DNAH5: variants seen among roughly 807,000 people sequenced by gnomAD.
DNAH5 encodes the protein dynein axonemal heavy chain 5.
A neutral mutation model predicts 518.2 loss-of-function variants in DNAH5; 372 were observed. That is an observed-to-expected ratio of 0.72 (90% CI 0.66 to 0.78). The LOEUF (loss-of-function observed/expected upper bound fraction) is 0.78, where lower values mean the gene tolerates loss of function less well. Among genes scored for constraint, DNAH5 ranks in the 30% least tolerant of loss-of-function variants. The probability of loss-of-function intolerance (pLI) is 0.00; values close to 1 mark genes in which losing one functional copy is unlikely to be tolerated. For synonymous variants in DNAH5, 2,039 were observed against 2,025.9 expected (o/e 1.01, Z -0.17); for missense variants, 5,523 against 5,687.0 (o/e 0.97, Z 0.93).
intron 35 of DNAH5, among the ~76,000 whole-genome samples, chr5:13,833,367 A>G: frequency 6.6e-6 from 1 of 151,222 alleles, no homozygotes; most frequent in African/African-American, 2.4e-5. Flanking sequence ...TGAACCTGGG[A>G]GGCAGAGGTT....
intron 18 of DNAH5, 147 bp downstream of exon 18, chr5:13,885,817 G>A (rs1772340985): frequency 8.8e-6 from 7 of 792,180 alleles, no homozygotes; most frequent in Non-Finnish European, 1.4e-5. Context: ...ATATGCTCAG[G>A]GCCATAATTT....
chr5:13,801,959 A>G (rs922190238), intron 47 of DNAH5, among the ~76,000 whole-genome samples: 5 of 151,892 alleles, frequency 3.3e-5, no homozygotes, highest in Non-Finnish European at 7.4e-5. Context: ...TTCTAAGCCA[A>G]AAAAAAATCT....
intron 1 of DNAH5, among the ~76,000 whole-genome samples, chr5:13,933,789 C>CAAA (rs533169329): frequency 0.044 from 3,640 of 82,204 alleles, 209 homozygotes; most frequent in African/African-American, 0.072. Context: ...GACTCCACCT[C>CAAA]AAAAAAAAAA....
Position 13,788,828 on chromosome 5 carries a change from C to T in DNAH5, c.8535G>A (p.Lys2845=), listed in dbSNP as rs1756493833. Residue 2845 remains lysine, a synonymous_variant, in exon 51 of 79, where the codon AAG becomes AAA. Transcript: ENST00000265104. ...CCTCCTCTACCAAACTTACTAAAGC[C>T]TTATCAAACCAGGTCACATCACTGG... ...TVSSDVTWFD[K]ALVSLVEEEF... The T allele has an allele frequency of 1.2e-6, 2 of 1,614,072 alleles. No homozygotes were observed. Among genetic ancestry groups the T allele is most frequent in the Non-Finnish European group, 1.7e-6 (2 of 1,179,990 alleles).
At chr5:13,918,412 C>G (rs1054095486) in intron 7 of DNAH5, among the ~76,000 whole-genome samples, 1 of 152,182 alleles carries the variant, frequency 6.6e-6, no homozygotes, top group African/African-American at 2.4e-5. Context: ...AGGCACCCAG[C>G]TAAGCTGCAC....
At chr5:13,931,671 C>T (rs146639282) in intron 1 of DNAH5, among the ~76,000 whole-genome samples, 46 of 152,308 alleles carry the variant, frequency 3.0e-4, no homozygotes, top group African/African-American at 1.1e-3. Context: ...TCTACAGCTA[C>T]ATATTTGGTC....
At chr5:13,784,363 T>A (rs2126858361) in intron 52 of DNAH5, among the ~76,000 whole-genome samples, 1 of 152,322 alleles carries the variant, frequency 6.6e-6, no homozygotes, top group Admixed American at 6.5e-5. Flanking sequence ...TTCAAAATGT[T>A]ATTTATAGTT....
chr5:13,993,904 G>A (rs1783741089), intron 1 of DNAH5, among the ~76,000 whole-genome samples: 3 of 152,228 alleles, frequency 2.0e-5, no homozygotes, highest in Admixed American at 2.0e-4. Flanking sequence ...TTCCTCTGAG[G>A]GAACCAGGTA....
rs372556312 is a variant in DNAH5 at position 13,691,688 on chromosome 5, C to G, written c.*296G>C. On this transcript the variant is annotated 3_prime_UTR_variant, in exon 79 of 79. Transcript: ENST00000265104. ...CTGTCTGCTTACCCTAGTCAGTCTT[C>G]GGAGCGAAGTAAGAAGAAAATATAC... The G allele has an allele frequency of 2.7e-6, 1 of 373,210 alleles. No homozygotes were observed. Among genetic ancestry groups the G allele is most frequent in the Admixed American group, 4.1e-5 (1 of 24,320 alleles). 23.1% of individuals were successfully genotyped at this position (373,210 alleles called of 1,614,324 possible).
chr5:13,728,048 C>T (rs560288952), intron 69 of DNAH5, among the ~76,000 whole-genome samples: 1 of 152,294 alleles, frequency 6.6e-6, no homozygotes, highest in South Asian at 2.1e-4. Flanking sequence ...CTTATGTTTC[C>T]TCATTTCCCA....
chr5:13,800,770 C>T (rs1199470846), intron 47 of DNAH5, among the ~76,000 whole-genome samples: 1 of 152,176 alleles, frequency 6.6e-6, no homozygotes, highest in Non-Finnish European at 1.5e-5. Context: ...TATTCTGCCA[C>T]CCACATTCCT....
intron 13 of DNAH5, 69 bp from the exon 14 acceptor site, chr5:13,901,642 T>C: frequency 1.1e-6 from 1 of 908,484 alleles, no homozygotes; most frequent in Non-Finnish European, 1.6e-6. Context: ...AATAAAAATA[T>C]CTAGTAATCT....
chr5:13,715,143 G>A (rs560645979), intron 74 of DNAH5, among the ~76,000 whole-genome samples: 1 of 152,222 alleles, frequency 6.6e-6, no homozygotes, highest in South Asian at 2.1e-4. Flanking sequence ...GAAAAACAGA[G>A]ACAGAGATGG....
rs777414383 is a variant in DNAH5 at position 13,721,040 on chromosome 5, T to A, written c.12239A>T (p.Glu4080Val). The change falls in exon 71 of 79, where the codon GAA (glutamate) becomes GTA (valine). Residue 4080 changes from glutamate (E) to valine (V), a missense_variant. Physicochemically the swap from Glu to Val is moderately radical, Grantham distance 121. Coordinates refer to ENST00000265104, the MANE Select transcript of DNAH5 (RefSeq NM_001369.3). Reference sequence around the variant, plus strand: ...CTGCAAGAGCTTCCGAGCATGGACTTCCTGGCCCTGGCCCATGGACACATA... The same window carrying A: ...CTGCAAGAGCTTCCGAGCATGGACTACCTGGCCCTGGCCCATGGACACATA... ...TRYVSMGQGQ[E>V]VHARKLLQQT... is the part of the protein sequence containing the mutation. The A allele has an allele frequency of 6.2e-7, 1 of 1,614,130 alleles. No homozygotes were observed. Among genetic ancestry groups the A allele is most frequent in the Non-Finnish European group, 8.5e-7 (1 of 1,179,996 alleles).
chr5:13,739,468 T>C (rs1748087980), intron 65 of DNAH5, among the ~76,000 whole-genome samples: 1 of 152,146 alleles, frequency 6.6e-6, no homozygotes, highest in South Asian at 2.1e-4. Flanking sequence ...TCCCCAGCCA[T>C]GCAGAACTGT....
intron 61 of DNAH5, among the ~76,000 whole-genome samples, chr5:13,755,016 C>A (rs996495412): frequency 2.6e-5 from 4 of 152,006 alleles, no homozygotes; most frequent in Non-Finnish European, 5.9e-5. Flanking sequence ...GTGGCAGGAA[C>A]CTGTAATCCC....
chr5:13,841,587 G>T, intron 33 of DNAH5, 105 bp downstream of exon 33: 2 of 858,214 alleles, frequency 2.3e-6, no homozygotes, highest in Non-Finnish European at 3.8e-6. Flanking sequence ...TCTTAATACT[G>T]GTCTAGAGTT....
intron 75 of DNAH5, among the ~76,000 whole-genome samples, chr5:13,713,233 G>A (rs1443583141): frequency 1.6e-5 from 2 of 121,994 alleles, no homozygotes; most frequent in East Asian, 2.3e-4. Flanking sequence ...ACATATATAT[G>A]TATATACCAA....
At chr5:13,972,971 T>A (rs1181547101) in intron 1 of DNAH5, among the ~76,000 whole-genome samples, 1 of 152,174 alleles carries the variant, frequency 6.6e-6, no homozygotes, top group Non-Finnish European at 1.5e-5. Context: ...TTTCAAAATG[T>A]CCATTTCTAA....
Sources: gnomAD v4.1 joint callset for allele counts (sites outside exome capture counted in the v4.1 genomes callset) on GRCh38, gnomAD v4.1.1 for gene constraint, MANE v1.5 for transcripts, NCBI Gene and HGNC (gene_info 2026-07-23, HGNC 2026-07-21) for gene names.